EARS2: variants seen among roughly 807,000 people sequenced by gnomAD.
The protein encoded by EARS2 is nondiscriminating glutamyl-tRNA synthetase EARS2, mitochondrial.
EARS2 carries 50 observed loss-of-function variants against 54.1 expected under a neutral mutation model. The observed-to-expected ratio is 0.92, with a 90% CI of 0.74 to 1.17. The LOEUF is 1.17. Among genes scored for constraint, EARS2 ranks in the 50% most tolerant of loss-of-function variants. The probability of loss-of-function intolerance (pLI) is 0.00; values close to 1 mark genes in which losing one functional copy is unlikely to be tolerated. For missense variants in EARS2, 673 were observed against 675.0 expected (o/e 1.00, Z 0.03); for synonymous variants, 298 against 281.0 (o/e 1.06, Z -0.61).
At chr16:23,552,048 C>T (rs1724768711) in intron 2 of EARS2, 101 bp downstream of exon 2, 7 of 1,435,490 alleles carry the variant, frequency 4.9e-6, no homozygotes, top group Non-Finnish European at 6.6e-6. Context: ...TCTCCAGGAA[C>T]TCCCCATTTT....
intron 2 of EARS2, among the ~76,000 whole-genome samples, chr16:23,551,701 C>A (rs1263497609): frequency 6.6e-6 from 1 of 152,044 alleles, no homozygotes; most frequent in Non-Finnish European, 1.5e-5. Flanking sequence ...AGGTGGATCA[C>A]GAGGTCAGGA....
At chr16:23,545,667 G>A (rs1034485787) in intron 2 of EARS2, among the ~76,000 whole-genome samples, 9 of 152,124 alleles carry the variant, frequency 5.9e-5, no homozygotes, top group African/African-American at 2.2e-4. Context: ...GTGTTACTTA[G>A]CCTTTCTTTT....
chr16:23,550,435 CT>C (rs34422725), intron 2 of EARS2, among the ~76,000 whole-genome samples: 539 of 100,600 alleles, frequency 5.4e-3, no homozygotes, highest in African/African-American at 0.019. Context: ...AGCACATGGT[CT>C]TTTTTTTTTT....
intron 1 of EARS2, among the ~76,000 whole-genome samples, chr16:23,552,614 C>T (rs1417162432): frequency 1.3e-5 from 2 of 152,224 alleles, no homozygotes; most frequent in Non-Finnish European, 2.9e-5. Context: ...CCCAGCCTCC[C>T]GAGTAGCTGG....
At position 23,524,193 on chromosome 16, in the gene EARS2, G is replaced by GACAAAAACGTGCCTGTGGTGGATC. The variant is rs1368463375; in HGVS notation, c.*154_*177dup. 1.5e-6 allele frequency: 1 copy of GACAAAAACGTGCCTGTGGTGGATC among 649,514 alleles called. No homozygotes were observed. Among genetic ancestry groups the GACAAAAACGTGCCTGTGGTGGATC allele is most frequent in the Admixed American group, 2.7e-5 (1 of 37,160 alleles). 40.2% of individuals were successfully genotyped at this position (649,514 alleles called of 1,614,324 possible). ...ATGGGTTGGGCTTCCCCAGCCAATTGACAAAAACGTGCCTGTGGTGGATCA... is the reference window on the plus strand; with the variant it reads ...ATGGGTTGGGCTTCCCCAGCCAATTGACAAAAACGTGCCTGTGGTGGATCACAAAAACGTGCCTGTGGTGGATCA... On this transcript the variant is annotated 3_prime_UTR_variant, in exon 9 of 9. Coordinates refer to ENST00000449606, the MANE Select transcript of EARS2 (RefSeq NM_001083614.2).
At chr16:23,548,391 C>G (rs576737410) in intron 2 of EARS2, among the ~76,000 whole-genome samples, 1 of 152,264 alleles carries the variant, frequency 6.6e-6, no homozygotes, top group Admixed American at 6.5e-5. Flanking sequence ...GGGTGGGGGA[C>G]AAGCTCTGGG....
At chr16:23,547,988 T>C (rs984073589) in intron 2 of EARS2, among the ~76,000 whole-genome samples, 1 of 151,780 alleles carries the variant, frequency 6.6e-6, no homozygotes, top group African/African-American at 2.4e-5. Flanking sequence ...CCCAGCACTT[T>C]GGGAGGCTGA....
chr16:23,544,271 G>A (rs998405143), intron 3 of EARS2, among the ~76,000 whole-genome samples: 2 of 152,182 alleles, frequency 1.3e-5, no homozygotes, highest in Non-Finnish European at 2.9e-5. Context: ...AGCCTTCTGA[G>A]AGGAGATGGA....
intron 3 of EARS2, among the ~76,000 whole-genome samples, chr16:23,543,437 AAC>A (rs1334912271): frequency 9.6e-5 from 14 of 145,166 alleles, no homozygotes; most frequent in Non-Finnish European, 1.7e-4. Flanking sequence ...CAACAACAAC[AAC>A]AAAAAAAAAA....
At chr16:23,556,926 A>G (rs1965800509) in intron 1 of EARS2, 1 of 661,834 alleles carries the variant, frequency 1.5e-6, no homozygotes, top group Non-Finnish European at 2.8e-6. Context: ...CGTCTACAAC[A>G]CCTGTTACAC....
At chr16:23,555,687 G>A (rs376179755) in intron 1 of EARS2, among the ~76,000 whole-genome samples, 56 of 152,256 alleles carry the variant, frequency 3.7e-4, no homozygotes, top group African/African-American at 1.2e-3. Flanking sequence ...TAAAGGTTTA[G>A]AAACTTTTGT....
At chr16:23,554,495 C>A (rs986396568) in intron 1 of EARS2, among the ~76,000 whole-genome samples, 1 of 152,162 alleles carries the variant, frequency 6.6e-6, no homozygotes, top group African/African-American at 2.4e-5. Flanking sequence ...GTACCTTCTT[C>A]GGACCAGCCC....
chr16:23,528,079 G>A (rs1213314041), intron 7 of EARS2, among the ~76,000 whole-genome samples: 1 of 152,138 alleles, frequency 6.6e-6, no homozygotes, highest in African/African-American at 2.4e-5. Flanking sequence ...GCGAAGGGCT[G>A]GAAAAGGGAA....
chr16:23,547,968 C>T (rs911194724), intron 2 of EARS2, among the ~76,000 whole-genome samples: 1 of 151,906 alleles, frequency 6.6e-6, no homozygotes, highest in African/African-American at 2.4e-5. Context: ...CGGTGGCTCA[C>T]GTCTGTAATC....
Position 23,522,406 on chromosome 16 carries a change from A to G in EARS2, c.*1965T>C, listed in dbSNP as rs375929302. ...CGGCTGTAGTTCATGTGTCGCCATC[A>G]AAGAACTCAGACAAGATTGGCCATT... On this transcript the variant is annotated 3_prime_UTR_variant, in exon 9 of 9. Coordinates refer to ENST00000449606, the MANE Select transcript of EARS2 (RefSeq NM_001083614.2). The G allele has an allele frequency of 6.5e-6, 1 of 152,796 alleles. No individual in the cohort carries two copies. Among genetic ancestry groups the G allele is most frequent in the Admixed American group, 6.5e-5 (1 of 15,382 alleles). The allele number at this position is 152,796 out of a possible 1,614,324, so 9.5% of individuals were successfully genotyped here.
intron 8 of EARS2, 198 bp downstream of exon 8, chr16:23,525,046 T>C (rs1328030187): frequency 1.5e-6 from 1 of 679,898 alleles, no homozygotes; most frequent in Non-Finnish European, 2.5e-6. Flanking sequence ...AATTCTATAT[T>C]GTATTCACTG....
chr16:23,547,217 C>T (rs564096212), intron 2 of EARS2, among the ~76,000 whole-genome samples: 19 of 152,182 alleles, frequency 1.2e-4, no homozygotes, highest in Middle Eastern at 3.4e-3. Context: ...CCCACAGATG[C>T]GCTTATGGTA....
chr16:23,540,041 C>G (rs567149474), intron 3 of EARS2, among the ~76,000 whole-genome samples: 23 of 152,324 alleles, frequency 1.5e-4, no homozygotes, highest in African/African-American at 5.3e-4. Context: ...GTGGTTCCAG[C>G]TGTTTGGGAG....
At chr16:23,550,885 C>G (rs1276801789) in intron 2 of EARS2, 3 of 152,000 alleles carry the variant, frequency 2.0e-5, no homozygotes, top group Admixed American at 1.3e-4. Context: ...TTGGGAATCT[C>G]CCCTTTCCTA....
Sources: gnomAD v4.1 joint callset for allele counts (sites outside exome capture counted in the v4.1 genomes callset) on GRCh38, gnomAD v4.1.1 for gene constraint, MANE v1.5 for transcripts, NCBI Gene and HGNC (gene_info 2026-07-23, HGNC 2026-07-21) for gene names.